GRIP1: variants seen among roughly 807,000 people sequenced by gnomAD.
GRIP1 encodes glutamate receptor-interacting protein 1.
Under a neutral mutation model 129.9 loss-of-function variants are expected in GRIP1, and 45 were observed. That is an observed-to-expected ratio of 0.35 (90% CI 0.27 to 0.44). The LOEUF (loss-of-function observed/expected upper bound fraction) is 0.44, where lower values mean the gene tolerates loss of function less well. Ranked by LOEUF, GRIP1 falls within the 20% of genes least tolerant of loss-of-function variation. The probability of loss-of-function intolerance (pLI) is 1.00; values close to 1 mark genes in which losing one functional copy is unlikely to be tolerated. For missense variants in GRIP1, 1,196 were observed against 1,396.8 expected (o/e 0.86, Z 2.29); for synonymous variants, 530 against 520.8 (o/e 1.02, Z -0.24).
rs571553215 is a variant in GRIP1, at chr12:66,564,689, G to A, written c.137-22739C>T. ...ATGGTATTTCTAGTTCTAGATCCCT[G>A]AGGAATCGCCACACTGTCTTCCACA... On this transcript the variant is annotated intron_variant, in intron 2 of 24. Coordinates refer to ENST00000359742, the MANE Select transcript of GRIP1 (RefSeq NM_001366722.1). 9.9e-5 allele frequency among the ~76,000 whole-genome samples: 15 copies of A among 152,240 alleles called. No individual in the cohort carries two copies. In the East Asian group the frequency reaches 2.3e-3, roughly 24 times the overall value.
At chr12:66,767,836 A>G (rs968852165) in intron 1 of GRIP1, among the ~76,000 whole-genome samples, 2 of 152,226 alleles carry the variant, frequency 1.3e-5, no homozygotes, top group African/African-American at 2.4e-5. Context: ...GCGATATCTT[A>G]TAACAAGATA....
chr12:66,753,243 C>T (rs1267406320), intron 1 of GRIP1, among the ~76,000 whole-genome samples: 1 of 152,202 alleles, frequency 6.6e-6, no homozygotes, highest in African/African-American at 2.4e-5. Context: ...TCTATTTGGG[C>T]ATATGGCTAA....
At chr12:66,917,862 T>C (rs1285313729) in intron 1 of GRIP1, among the ~76,000 whole-genome samples, 1 of 152,190 alleles carries the variant, frequency 6.6e-6, no homozygotes, top group East Asian at 1.9e-4. Flanking sequence ...CTCCGCCATC[T>C]ATCTCTTTAT....
chr12:66,529,566 C>CGTAAGTAG (rs1555201507), intron 5 of GRIP1, among the ~76,000 whole-genome samples: 2 of 151,944 alleles, frequency 1.3e-5, no homozygotes, highest in Non-Finnish European at 2.9e-5. Flanking sequence ...TGTTCTCACT[C>CGTAAGTAG]GTAAGTAGGA....
chr12:67,051,922 A>G (rs2043352539), intron 1 of GRIP1, among the ~76,000 whole-genome samples: 1 of 152,234 alleles, frequency 6.6e-6, no homozygotes, highest in Non-Finnish European at 1.5e-5. Context: ...CATATATTGA[A>G]AGCCTCACAT....
At chr12:66,748,044 A>G (rs1315524566) in intron 1 of GRIP1, among the ~76,000 whole-genome samples, 2 of 151,518 alleles carry the variant, frequency 1.3e-5, no homozygotes, top group Non-Finnish European at 1.5e-5. Flanking sequence ...TTTGAGATGG[A>G]GTCTTGCTCT....
intron 24 of GRIP1, among the ~76,000 whole-genome samples, chr12:66,350,058 C>T (rs779796567): frequency 3.9e-5 from 6 of 152,052 alleles, no homozygotes; most frequent in South Asian, 2.1e-4. Context: ...TCCTCCTTGG[C>T]GTTTAGCATT....
intron 4 of GRIP1, among the ~76,000 whole-genome samples, chr12:66,531,303 A>ATATATG: frequency 1.3e-5 from 1 of 74,376 alleles, no homozygotes; most frequent in Non-Finnish European, 2.5e-5. Context: ...ATATATATAT[A>ATATATG]CACACACACA....
chr12:66,547,469 T>C (rs944695980), intron 2 of GRIP1, among the ~76,000 whole-genome samples: 2 of 152,186 alleles, frequency 1.3e-5, no homozygotes, highest in African/African-American at 4.8e-5. Context: ...CCAAAACCTG[T>C]AAGTGAATAA....
chr12:66,539,032 G>A, intron 4 of GRIP1, 46 bp downstream of exon 4: 1 of 1,533,534 alleles, frequency 6.5e-7, no homozygotes, highest in Non-Finnish European at 9.0e-7. Context: ...TCCACTGGGG[G>A]TCTTGGAATG....
chr12:66,904,423 T>C (rs1360244383), intron 1 of GRIP1, among the ~76,000 whole-genome samples: 1 of 152,088 alleles, frequency 6.6e-6, no homozygotes. Context: ...GATCTGAGAG[T>C]TGGCTGATGG....
Position 66,612,345 on chromosome 12 carries a change from G to A in GRIP1, c.56-15418C>T, listed in dbSNP as rs1465541226. Among the ~76,000 whole-genome samples the A allele has an allele frequency of 2.0e-5, 3 of 152,144 alleles. No individual in the cohort carries two copies. In the East Asian group the frequency reaches 5.8e-4, roughly 29 times the overall value. ...ACTGTGCAGAATACTGTAGGCAACT[G>A]TAACACAATAGTATCTGTGTATCTC... On this transcript the variant is annotated intron_variant, in intron 1 of 24. Coordinates refer to ENST00000359742, the MANE Select transcript of GRIP1 (RefSeq NM_001366722.1).
At chr12:66,979,779 T>C (rs538638633) in intron 1 of GRIP1, among the ~76,000 whole-genome samples, 9 of 152,124 alleles carry the variant, frequency 5.9e-5, no homozygotes, top group African/African-American at 1.9e-4. Context: ...ACAGGGAGAA[T>C]GCCATGTGAT....
intron 2 of GRIP1, among the ~76,000 whole-genome samples, chr12:66,589,265 G>A (rs533908758): frequency 7.9e-6 from 1 of 127,324 alleles, no homozygotes; most frequent in Non-Finnish European, 1.6e-5. Flanking sequence ...TCTCGCTCTA[G>A]GTTAGGTTAC....
intron 1 of GRIP1, among the ~76,000 whole-genome samples, chr12:66,699,058 C>T (rs1051381206): frequency 1.1e-4 from 17 of 152,098 alleles, no homozygotes; most frequent in Non-Finnish European, 2.2e-4. Context: ...CCCTCATCCA[C>T]ACCCACTTCA....
intron 1 of GRIP1, among the ~76,000 whole-genome samples, chr12:66,991,585 G>A (rs955148077): frequency 6.6e-6 from 1 of 152,052 alleles, no homozygotes; most frequent in Non-Finnish European, 1.5e-5. Context: ...AAGAATACAA[G>A]AAAACATAGA....
rs181105564 is a variant in GRIP1, at chr12:66,379,315, C to G, written c.2586G>C (p.Leu862=). ...TGGACCGGTCCCAGTCTTCATAACTCAGCCCCACATCTGGGTAAGTCTGGC... is the reference window on the plus strand; with the variant it reads ...TGGACCGGTCCCAGTCTTCATAACTGAGCCCCACATCTGGGTAAGTCTGGC... The part of the protein sequence containing the change: ...PRSQTYPDVG[L]SYEDWDRSTA... Residue 862 remains leucine, a synonymous_variant, in exon 20 of 25, where the codon CTG becomes CTC. Transcript: ENST00000359742. 1 of 1,614,030 alleles carries G rather than the reference C, an allele frequency of 6.2e-7. No homozygotes were observed. The highest frequency in any genetic ancestry group is 8.5e-7 in the Non-Finnish European group (1 of 1,179,898).
At chr12:66,365,190 C>G (rs2055064333) in intron 23 of GRIP1, among the ~76,000 whole-genome samples, 1 of 152,164 alleles carries the variant, frequency 6.6e-6, no homozygotes, top group Non-Finnish European at 1.5e-5. Flanking sequence ...AATCCCAGCA[C>G]TTTGGGAGGC....
At chr12:66,476,636 C>T (rs1209283294) in intron 7 of GRIP1, among the ~76,000 whole-genome samples, 3 of 152,168 alleles carry the variant, frequency 2.0e-5, no homozygotes, top group Non-Finnish European at 4.4e-5. Flanking sequence ...CAATAAAATA[C>T]TGGCAAACTG....
Sources: gnomAD v4.1 joint callset for allele counts (sites outside exome capture counted in the v4.1 genomes callset) on GRCh38, gnomAD v4.1.1 for gene constraint, MANE v1.5 for transcripts, NCBI Gene and HGNC (gene_info 2026-07-23, HGNC 2026-07-21) for gene names.